The following AGBL1 variants were observed in gnomAD, a reference collection of about 807,000 sequenced individuals.
AGBL1 encodes cytosolic carboxypeptidase 4.
Under a neutral mutation model 118.9 loss-of-function variants are expected in AGBL1, and 130 were observed. The ratio of observed to expected loss-of-function variants is 1.09; its 90% CI spans 0.95 to 1.26. The LOEUF (loss-of-function observed/expected upper bound fraction) is 1.26. AGBL1 is among the 50% of genes most tolerant of loss of function. AGBL1 has a pLI of 0.00. For missense variants in AGBL1, 1,584 were observed against 1,298.1 expected, an observed-to-expected ratio of 1.22 and a Z score of -3.38; for synonymous variants, 555 against 478.9, an observed-to-expected ratio of 1.16 and a Z score of -2.08.
chr15:86,878,299 A>C (rs565925515), intron 22 of AGBL1, among the ~76,000 whole-genome samples: 10 of 152,258 alleles, frequency 6.6e-5, no homozygotes, highest in African/African-American at 2.4e-4. Flanking sequence ...CTATCATTCA[A>C]CTCTGCCCTT....
chr15:86,725,161 T>C (rs1455315882), intron 22 of AGBL1, among the ~76,000 whole-genome samples: 1 of 152,180 alleles, frequency 6.6e-6, no homozygotes, highest in Non-Finnish European at 1.5e-5. Flanking sequence ...ATAGCTATTA[T>C]TACATTTCTT....
rs528705520 is a variant in AGBL1, at chr15:86,611,234, C to A, written c.2994+56697C>A. 2.0e-5 allele frequency among the ~76,000 whole-genome samples: 3 copies of A among 152,212 alleles called. No homozygotes were observed. In the South Asian group the frequency reaches 6.2e-4, roughly 32 times the overall value. ...AAAGAAAGAGCAACAAAATAAAAAT[C>A]AATGTTTTAGAGGAACTTCTGTGAC... On this transcript the variant is annotated intron_variant, in intron 21 of 22. Transcript: ENST00000614907.
chr15:86,253,346 G>A (rs986072659), intron 7 of AGBL1, among the ~76,000 whole-genome samples: 1 of 152,164 alleles, frequency 6.6e-6, no homozygotes, highest in African/African-American at 2.4e-5. Flanking sequence ...CGCCTCCTGA[G>A]TTCAAGCGAT....
At chr15:86,813,780 G>A (rs1018097944) in intron 22 of AGBL1, among the ~76,000 whole-genome samples, 3 of 152,166 alleles carry the variant, frequency 2.0e-5, no homozygotes, top group Non-Finnish European at 4.4e-5. Context: ...AAACTACATA[G>A]CATTCAAGAA....
chr15:86,862,142 T>C (rs956148533), intron 22 of AGBL1, among the ~76,000 whole-genome samples: 2 of 152,132 alleles, frequency 1.3e-5, no homozygotes, highest in Non-Finnish European at 2.9e-5. Flanking sequence ...TGGGGTTAAG[T>C]GACATGAAAA....
chr15:86,107,114 C>T (rs182006006), intron 1 of AGBL1, among the ~76,000 whole-genome samples: 1 of 152,266 alleles, frequency 6.6e-6, no homozygotes, highest in East Asian at 1.9e-4. Flanking sequence ...AATCATCCAG[C>T]AAGCTGATGT....
At chr15:86,269,093 G>A (rs558544274) in intron 13 of AGBL1, among the ~76,000 whole-genome samples, 4 of 152,220 alleles carry the variant, frequency 2.6e-5, no homozygotes, top group African/African-American at 9.6e-5. Flanking sequence ...GGGCCTCCTG[G>A]GGTGCTGGAA....
chr15:86,539,956 A>G (rs2083472623), intron 19 of AGBL1, among the ~76,000 whole-genome samples: 1 of 152,196 alleles, frequency 6.6e-6, no homozygotes. Flanking sequence ...GGATGGGGTA[A>G]TATAGAAATG....
At chr15:86,943,270 C>T (rs2080777236) in intron 23 of AGBL1, among the ~76,000 whole-genome samples, 1 of 152,138 alleles carries the variant, frequency 6.6e-6, no homozygotes, top group Non-Finnish European at 1.5e-5. Flanking sequence ...AGAAAAATGG[C>T]AATTCTACTG....
chr15:86,396,919 T>C (rs968738258), intron 17 of AGBL1, among the ~76,000 whole-genome samples: 1 of 152,162 alleles, frequency 6.6e-6, no homozygotes, highest in African/African-American at 2.4e-5. Flanking sequence ...AGTTATTTCT[T>C]TTGTGATCTT....
At chr15:86,285,572 G>A (rs1845935) in intron 16 of AGBL1, among the ~76,000 whole-genome samples, 19,011 of 151,918 alleles carry the variant, frequency 0.13, 2,345 homozygotes, top group African/African-American at 0.32. Flanking sequence ...ACCTTCTGCC[G>A]TGATTGCGAG....
chr15:86,097,806 T>G (rs781184492), intron 1 of AGBL1, among the ~76,000 whole-genome samples: 2 of 152,202 alleles, frequency 1.3e-5, no homozygotes, highest in East Asian at 3.9e-4. Context: ...CTTTGATATA[T>G]AGATTTTCTT....
intron 21 of AGBL1, among the ~76,000 whole-genome samples, chr15:86,669,236 A>T (rs2085698960): frequency 1.3e-5 from 2 of 152,208 alleles, no homozygotes; most frequent in African/African-American, 4.8e-5. Context: ...ATCAGGTATG[A>T]TAATATAAAA....
intron 21 of AGBL1, among the ~76,000 whole-genome samples, chr15:86,628,221 C>T (rs2469193): frequency 0.39 from 59,952 of 151,984 alleles, 12,867 homozygotes; most frequent in Middle Eastern, 0.56. Flanking sequence ...GTGAAGCCCC[C>T]GCATTTCCAT....
intron 17 of AGBL1, among the ~76,000 whole-genome samples, chr15:86,325,215 A>G (rs935326843): frequency 1.3e-5 from 2 of 152,228 alleles, no homozygotes; most frequent in African/African-American, 2.4e-5. Context: ...ACAAAAAATA[A>G]TGAGTATAAT....
chr15:86,723,591 C>G (rs186134767), intron 22 of AGBL1, among the ~76,000 whole-genome samples: 17 of 152,144 alleles, frequency 1.1e-4, no homozygotes, highest in Non-Finnish European at 7.4e-5. Flanking sequence ...ACCAACATGG[C>G]ACGTGTATAC....
intron 18 of AGBL1, among the ~76,000 whole-genome samples, chr15:86,440,113 C>T (rs1223112898): frequency 6.6e-6 from 1 of 151,988 alleles, no homozygotes; most frequent in African/African-American, 2.4e-5. Flanking sequence ...TCTTGTGCTG[C>T]CATGTTTTTA....
At chr15:86,374,294 C>T (rs572453635) in intron 17 of AGBL1, among the ~76,000 whole-genome samples, 36 of 152,266 alleles carry the variant, frequency 2.4e-4, no homozygotes, top group Admixed American at 3.3e-4. Context: ...TATTACAAAG[C>T]CTATGAAGAT....
At chr15:86,616,065 AT>A (rs2084716963) in intron 21 of AGBL1, among the ~76,000 whole-genome samples, 1 of 152,132 alleles carries the variant, frequency 6.6e-6, no homozygotes, top group Non-Finnish European at 1.5e-5. Flanking sequence ...GGCCAGGAGT[AT>A]TGGCTCACCC....
Sources: allele counts gnomAD v4.1 joint callset (sites outside exome capture counted in the v4.1 genomes callset), GRCh38; gene constraint gnomAD v4.1.1; transcripts MANE v1.5; gene names NCBI Gene and HGNC (gene_info 2026-07-23, HGNC 2026-07-21).